The following VIL1 variants were observed in gnomAD, a reference collection of about 807,000 sequenced individuals.
VIL1 encodes the protein villin-1.
Under a neutral mutation model 104.0 loss-of-function variants are expected in VIL1, and 86 were observed. The observed-to-expected ratio is 0.83, with a 90% CI of 0.69 to 0.99. The LOEUF is 0.99. VIL1 is among the 50% of genes least tolerant of loss of function. VIL1 has a pLI of 0.00. For synonymous variants in VIL1, 394 were observed against 412.6 expected (o/e 0.95, Z 0.55); for missense variants, 944 against 1,054.1 (o/e 0.90, Z 1.45).
In VIL1 at chr2:218,451,973, A is replaced by C. The variant is rs1413263899; in HGVS notation, c.*2637A>C. 6.6e-6 allele frequency: 1 copy of C among 152,644 alleles called. No individual in the cohort carries two copies. Among genetic ancestry groups the C allele is most frequent in the African/African-American group, 2.4e-5 (1 of 41,456 alleles). 9.5% of individuals were successfully genotyped at this position (152,644 alleles called of 1,614,324 possible). On this transcript the variant is annotated 3_prime_UTR_variant, in exon 20 of 20. Transcript: ENST00000248444. ...CTCATGAGTGTGCACACACATGTGA[A>C]TATATCCCTACGAAACAGTCTATCT...
intron 19 of VIL1, among the ~76,000 whole-genome samples, chr2:218,447,109 C>G (rs1017977556): frequency 1.3e-5 from 2 of 152,122 alleles, no homozygotes; most frequent in Non-Finnish European, 2.9e-5. Flanking sequence ...TGAGAACATT[C>G]AAATCCGCCT....
At chr2:218,427,008 C>T (rs1330607994) in intron 4 of VIL1, among the ~76,000 whole-genome samples, 3 of 152,222 alleles carry the variant, frequency 2.0e-5, no homozygotes, top group Non-Finnish European at 4.4e-5. Flanking sequence ...CCTCAGCCTC[C>T]TGAAGTCCTG....
chr2:218,426,804 G>A lies in VIL1; in HGVS notation c.347+993G>A, dbSNP rs531998619. 2.3e-3 allele frequency among the ~76,000 whole-genome samples: 342 copies of A among 151,534 alleles called. 2 individuals are homozygous for A. Among genetic ancestry groups the A allele is most frequent in the Non-Finnish European group, 3.2e-3 (215 of 67,902 alleles). On this transcript the variant is annotated intron_variant, in intron 4 of 19. Coordinates refer to ENST00000248444, the MANE Select transcript of VIL1 (RefSeq NM_007127.3). Reference sequence around the variant, plus strand: ...TTTTTAGTAGAGACAGGGTTTCACCGTGTTAGCCAGGATGGTCTCAATCTC... The same window carrying A: ...TTTTTAGTAGAGACAGGGTTTCACCATGTTAGCCAGGATGGTCTCAATCTC...
At chr2:218,429,092 C>T (rs566010210) in intron 6 of VIL1, among the ~76,000 whole-genome samples, 193 bp from the exon 7 acceptor site, 1 of 152,250 alleles carries the variant, frequency 6.6e-6, no homozygotes, top group African/African-American at 2.4e-5. Context: ...GAAACCTGCT[C>T]TCCCAGCTGC....
chr2:218,423,812 C>T lies in VIL1; in HGVS notation c.34C>T (p.Leu12Phe), dbSNP rs753166914. ...TKLSAQVKGSLNITTPGLQIW... is the reference protein window; with the variant it reads ...TKLSAQVKGSFNITTPGLQIW... ...GCTGAGCGCCCAAGTCAAAGGCTCT[C>T]TCAACATCACCACCCCGGGGCTGCA... The change falls in exon 2 of 20, where the codon CTC (leucine) becomes TTC (phenylalanine). Residue 12 changes from leucine to phenylalanine, a missense_variant. Physicochemically the swap from Leu to Phe is conservative, Grantham distance 22. Transcript: ENST00000248444. The T allele has an allele frequency of 6.2e-7, 1 of 1,614,196 alleles. No individual in the cohort carries two copies. Among genetic ancestry groups the T allele is most frequent in the Non-Finnish European group, 8.5e-7 (1 of 1,180,036 alleles).
In VIL1 at chr2:218,452,057, T is replaced by C. The variant is rs760676053; in HGVS notation, c.*2721T>C. The C allele has an allele frequency of 6.6e-6, 1 of 152,666 alleles. No homozygotes were observed. The highest frequency in any genetic ancestry group is 1.5e-5 in the Non-Finnish European group (1 of 68,052). The allele number at this position is 152,666 out of a possible 1,614,324, so 9.5% of individuals were successfully genotyped here. ...AAGAAATTAACAGCATCCAGCCACA[T>C]GCAACTTTCCAACCTTCAGTACTAT... On this transcript the variant is annotated 3_prime_UTR_variant, in exon 20 of 20. Coordinates refer to ENST00000248444, the MANE Select transcript of VIL1 (RefSeq NM_007127.3).
rs1291020828 is a variant in VIL1, at chr2:218,437,166, A to C, written c.2014A>C (p.Lys672Gln). 1 of 1,614,132 alleles carries C rather than the reference A, an allele frequency of 6.2e-7. No individual in the cohort carries two copies. Among genetic ancestry groups the C allele is most frequent in the Admixed American group, 1.7e-5 (1 of 60,008 alleles). ...IGKHANEEEK[K>Q]AAATTAQEYL... ...GAAACATGCCAACGAGGAGGAGAAG[A>C]AGGCCGCAGCAACCACTGCACAGGA... is the stretch of plus-strand genomic sequence containing the variant. The change falls in exon 17 of 20, where the codon AAG becomes CAG. Residue 672 changes from lysine (K) to glutamine (Q), a missense_variant. Lys to Gln is a moderately conservative substitution (Grantham distance 53). Coordinates refer to ENST00000248444, the MANE Select transcript of VIL1 (RefSeq NM_007127.3).
Position 218,428,245 on chromosome 2 carries a change from A to C in VIL1, c.475A>C (p.Ser159Arg), listed in dbSNP as rs1689037134. 2 of 1,613,964 alleles carry C rather than the reference A, an allele frequency of 1.2e-6. No individual in the cohort carries two copies. The highest frequency in any genetic ancestry group is 3.3e-5 in the Admixed American group (2 of 59,992). ...TCCCTAGGTAGAGATGTCCTGGAAG[A>C]GTTTCAACCGAGGGGATGTTTTCCT... ...VAGEVEMSWKSFNRGDVFLLD... is the reference protein window; with the variant it reads ...VAGEVEMSWKRFNRGDVFLLD... Residue 159 changes from serine to arginine, a missense_variant, in exon 6 of 20, where the codon AGT becomes CGT. By Grantham distance (110) the Ser-to-Arg change is moderately radical. Transcript: ENST00000248444.
Position 218,450,034 on chromosome 2 carries a change from T to C in VIL1, c.*698T>C, listed in dbSNP as rs1481880404. The stretch of plus-strand genomic sequence containing the variant: ...AGGTTTACAAACTTACCCAGAAGCC[T>C]CTGCAAAGCTTCACAGGCTCCTCAG... On this transcript the variant is annotated 3_prime_UTR_variant, in exon 20 of 20. Transcript: ENST00000248444. 1.3e-5 allele frequency: 2 copies of C among 152,208 alleles called. No homozygotes were observed. The highest frequency in any genetic ancestry group is 2.9e-5 in the Non-Finnish European group (2 of 68,056). 9.4% of individuals were successfully genotyped at this position (152,208 alleles called of 1,614,324 possible).
Position 218,429,908 on chromosome 2 carries a change from C to G in VIL1, c.909C>G (p.Ala303=). ...LKIYVWKGKK[A]NEQEKKGAMS... is the part of the protein sequence containing the mutation. ...TCTACGTGTGGAAAGGGAAGAAAGC[C>G]AATGAGCAGGAGAAGAAGGGAGCCA... is the stretch of plus-strand genomic sequence containing the variant. Residue 303 remains alanine (A), a synonymous_variant, in exon 9 of 20, where the codon GCC becomes GCG. Transcript: ENST00000248444. The G allele has an allele frequency of 6.4e-7, 1 of 1,557,590 alleles. No homozygotes were observed. The highest frequency in any genetic ancestry group is 8.7e-7 in the Non-Finnish European group (1 of 1,147,794).
chr2:218,443,131 A>C (rs1008645612), intron 19 of VIL1, among the ~76,000 whole-genome samples: 1 of 152,214 alleles, frequency 6.6e-6, no homozygotes, highest in Non-Finnish European at 1.5e-5. Context: ...TTGCAAAGCC[A>C]GAGCAAGAAC....
intron 6 of VIL1, among the ~76,000 whole-genome samples, chr2:218,428,981 G>A (rs917366266): frequency 1.3e-5 from 2 of 152,148 alleles, no homozygotes; most frequent in African/African-American, 4.8e-5. Context: ...GATCCTTGGG[G>A]CTCAGCTCGT....
intron 18 of VIL1, among the ~76,000 whole-genome samples, chr2:218,439,113 T>C (rs1489567695): frequency 6.6e-6 from 1 of 151,798 alleles, no homozygotes; most frequent in Non-Finnish European, 1.5e-5. Context: ...GTATTTTTAG[T>C]AGAGACGAGG....
intron 17 of VIL1, among the ~76,000 whole-genome samples, chr2:218,438,216 GA>G (rs1689228012): frequency 6.6e-6 from 1 of 152,114 alleles, no homozygotes; most frequent in Non-Finnish European, 1.5e-5. Context: ...AGGATATGGA[GA>G]TGGGACTCCT....
intron 10 of VIL1, 109 bp downstream of exon 10, chr2:218,430,987 AC>A (rs1689086607): frequency 7.2e-7 from 1 of 1,395,284 alleles, no homozygotes; most frequent in Admixed American, 2.2e-5. Context: ...TTCAACGAAG[AC>A]TTTTACGCTG....
rs199794792 is a variant in VIL1, at chr2:218,429,943, C to T, written c.944C>T (p.Ala315Val). 27 of 833,216 alleles carry T rather than the reference C, an allele frequency of 3.2e-5. No homozygotes were observed. Among genetic ancestry groups the T allele is most frequent in the South Asian group, 1.8e-4 (14 of 76,064 alleles). 51.6% of individuals were successfully genotyped at this position (833,216 alleles called of 1,614,324 possible). A position where few individuals can be genotyped will look rare whatever the true frequency, so the allele number is the denominator to read the frequency against. Reference protein sequence around the residue: ...EQEKKGAMSHALNFIKAKQYP... With the variant: ...EQEKKGAMSHVLNFIKAKQYP... ...GAGAAGAAGGGAGCCATGAGCCATG[C>T]GCTGGTAGTGGTGGGGGCGGGGGAG... The change falls in exon 9 of 20, where the codon GCG (alanine) becomes GTG (valine). Residue 315 changes from alanine to valine, a missense_variant. Transcript: ENST00000248444.
chr2:218,427,782 T>C (rs1391084750), intron 4 of VIL1, among the ~76,000 whole-genome samples, 183 bp from the exon 5 acceptor site: 1 of 152,136 alleles, frequency 6.6e-6, no homozygotes. Context: ...CAGGCAGACC[T>C]TGCACTTTCA....
rs1688859534 is a variant in VIL1 at position 218,419,162 on chromosome 2, A to C, written c.-18A>C. 1 of 152,184 alleles carries C rather than the reference A, an allele frequency of 6.6e-6. No homozygotes were observed. Among genetic ancestry groups the C allele is most frequent in the Non-Finnish European group, 1.5e-5 (1 of 68,020 alleles). The allele number at this position is 152,184 out of a possible 1,614,324, so 9.4% of individuals were successfully genotyped here. On this transcript the variant is annotated 5_prime_UTR_variant, in exon 1 of 20. Transcript: ENST00000248444. ...TCTCCCAGGTGGCAGCTGCCTCCCC[A>C]AGACAGGTAAGGCAACCTGGTGGGA...
At chr2:218,429,216 G>C in intron 6 of VIL1, 69 bp from the exon 7 acceptor site, 1 of 1,536,586 alleles carries the variant, frequency 6.5e-7, no homozygotes, top group Non-Finnish European at 8.8e-7. Context: ...TGCCTGGCAG[G>C]GTGTAGGGTG....
Sources: allele counts gnomAD v4.1 joint callset (sites outside exome capture counted in the v4.1 genomes callset), GRCh38; gene constraint gnomAD v4.1.1; transcripts MANE v1.5; gene names NCBI Gene and HGNC (gene_info 2026-07-23, HGNC 2026-07-21).